LRRC37B: variants seen among roughly 807,000 people sequenced by gnomAD.
LRRC37B encodes leucine-rich repeat-containing protein 37B.
In LRRC37B, 28 loss-of-function variants were observed where a neutral mutation model predicts 98.3. The observed-to-expected ratio is 0.28, with a 90% CI of 0.21 to 0.39. The LOEUF (loss-of-function observed/expected upper bound fraction) is 0.39. Ranked by LOEUF, LRRC37B falls within the 10% of genes least tolerant of loss-of-function variation. The pLI, the probability that LRRC37B is intolerant of heterozygous loss-of-function variation, is 1.00. For synonymous variants in LRRC37B, 364 were observed against 442.7 expected, an observed-to-expected ratio of 0.82 and a Z score of 2.23; for missense variants, 938 against 1,182.7, an observed-to-expected ratio of 0.79 and a Z score of 3.03.
chr17:32,053,324 C>A, exon 12 of LRRC37B: 2 of 1,605,688 alleles, frequency 1.2e-6, no homozygotes, highest in Non-Finnish European at 1.7e-6. Context: ...ATATCAGGAG[C>A]CTGAGCATGA....
chr17:32,014,440 A>G (rs1910606297), intron 1 of LRRC37B, among the ~76,000 whole-genome samples: 1 of 152,250 alleles, frequency 6.6e-6, no homozygotes, highest in East Asian at 1.9e-4. Context: ...GAAAAAAAAG[A>G]CATTTCAGAT....
chr17:32,044,902 A>G (rs1911532405), intron 7 of LRRC37B, among the ~76,000 whole-genome samples: 1 of 152,156 alleles, frequency 6.6e-6, no homozygotes. Context: ...AAAAAAATAA[A>G]AAATAACTTT....
At position 32,012,166 on chromosome 17, in the gene LRRC37B, G is replaced by A. The variant is rs148358987; in HGVS notation, c.-191+4034G>A. Among the ~76,000 whole-genome samples, 681 of 152,304 alleles carry A rather than the reference G, an allele frequency of 4.5e-3. 7 individuals carry two copies. Among genetic ancestry groups the A allele is most frequent in the Middle Eastern group, 0.02 (6 of 294 alleles). ...AATAATTAGGTCAAGTTGGTTGATC[G>A]TGTTAAGGTCTGCTCTATCCTTGCT... On this transcript the variant is annotated intron_variant, in intron 1 of 14. Coordinates refer to the LRRC37B transcript ENST00000543378.
intron 9 of LRRC37B, among the ~76,000 whole-genome samples, chr17:32,048,255 T>C (rs1461634793): frequency 6.6e-6 from 1 of 151,008 alleles, no homozygotes; most frequent in African/African-American, 2.4e-5. Flanking sequence ...GAAAGGCACT[T>C]CAAAAAGGTG....
chr17:32,047,254 G>A (rs2470258), intron 8 of LRRC37B: 3 of 182,022 alleles, frequency 1.6e-5, no homozygotes, highest in Admixed American at 5.3e-5. Context: ...GGGGCATCCC[G>A]CCCTGCTCCT....
chr17:32,018,587 T>C (rs1481359101), upstream of LRRC37B, among the ~76,000 whole-genome samples: 2 of 152,010 alleles, frequency 1.3e-5, no homozygotes, highest in African/African-American at 2.4e-5. Flanking sequence ...GGGGTTAGTC[T>C]CCCCCGGCCC....
intron 7 of LRRC37B, among the ~76,000 whole-genome samples, chr17:32,037,716 T>C (rs1911287651): frequency 6.6e-6 from 1 of 152,260 alleles, no homozygotes; most frequent in Admixed American, 6.5e-5. Context: ...TTTACTGTAC[T>C]GTTCAAATCT....
At chr17:32,046,599 CTTTTTTTTTT>C (rs796570580) in intron 8 of LRRC37B, among the ~76,000 whole-genome samples, 5 of 132,826 alleles carry the variant, frequency 3.8e-5, no homozygotes, top group Non-Finnish European at 8.2e-5. Flanking sequence ...TTCTTTTTTT[CTTTTTTTTTT>C]TTTTTTTTAC....
intron 1 of LRRC37B, among the ~76,000 whole-genome samples, chr17:32,008,820 A>G (rs1444742816): frequency 6.6e-6 from 1 of 152,234 alleles, no homozygotes; most frequent in African/African-American, 2.4e-5. Context: ...GCCAAACAAG[A>G]TCCAACCAAA....
At chr17:32,030,433 A>C (rs1911080306) in intron 3 of LRRC37B, among the ~76,000 whole-genome samples, 1 of 151,046 alleles carries the variant, frequency 6.6e-6, no homozygotes, top group Non-Finnish European at 1.5e-5. Context: ...AATTAATTCC[A>C]AAGTCTATTA....
intron 7 of LRRC37B, among the ~76,000 whole-genome samples, chr17:32,039,537 T>C (rs1217025202): frequency 8.2e-6 from 1 of 122,168 alleles, no homozygotes; most frequent in African/African-American, 3.3e-5. Flanking sequence ...TGTATTTTTA[T>C]ATATATTTCT....
At chr17:32,022,073 G>T in exon 1 of LRRC37B, 1 of 1,613,918 alleles carries the variant, frequency 6.2e-7, no homozygotes, top group South Asian at 1.1e-5. Flanking sequence ...TGCCTCCAGA[G>T]TCCTCTATGG....
chr17:32,029,764 C>G (rs502218), intron 3 of LRRC37B, among the ~76,000 whole-genome samples: 15,498 of 151,430 alleles, frequency 0.1, 1,029 homozygotes, highest in Middle Eastern at 0.16. Flanking sequence ...GAGGAGCCAT[C>G]ATGGGGAACC....
intron 2 of LRRC37B, among the ~76,000 whole-genome samples, chr17:32,026,677 C>A (rs2142245216): frequency 6.6e-6 from 1 of 152,254 alleles, no homozygotes; most frequent in Non-Finnish European, 1.5e-5. Flanking sequence ...GATTCATGTG[C>A]CTTGGCTTTC....
chr17:32,041,005 A>G (rs1197136543), intron 7 of LRRC37B: 2 of 796,226 alleles, frequency 2.5e-6, no homozygotes, highest in African/African-American at 1.7e-5. Context: ...GACTCCAAGG[A>G]GGTAGCAGAA....
chr17:32,027,171 T>G (rs1485245348), intron 2 of LRRC37B, among the ~76,000 whole-genome samples: 1 of 152,142 alleles, frequency 6.6e-6, no homozygotes, highest in African/African-American at 2.4e-5. Context: ...ATGTGGGGCT[T>G]TTGTAATAAG....
At chr17:32,021,680 G>A (rs754909284) in exon 1 of LRRC37B, 1 of 1,614,230 alleles carries the variant, frequency 6.2e-7, no homozygotes, top group East Asian at 2.2e-5. Context: ...TAGACAGTAA[G>A]GTTTCAAGAC....
exon 9 of LRRC37B, chr17:32,047,884 A>G: frequency 6.2e-7 from 1 of 1,614,120 alleles, no homozygotes; most frequent in Non-Finnish European, 8.5e-7. Context: ...AGTGGCATCA[A>G]CTTGTCAGGC....
exon 1 of LRRC37B, chr17:32,022,363 C>A (rs1910822526): frequency 6.2e-7 from 1 of 1,613,834 alleles, no homozygotes; most frequent in Admixed American, 1.7e-5. Flanking sequence ...AAGGGTCAGG[C>A]TCAGCATTCA....
Sources: allele counts gnomAD v4.1 joint callset (sites outside exome capture counted in the v4.1 genomes callset), GRCh38; gene constraint gnomAD v4.1.1; transcripts MANE v1.5; gene names NCBI Gene and HGNC (gene_info 2026-07-23, HGNC 2026-07-21).